ITGA11: variants seen among roughly 807,000 people sequenced by gnomAD.
The protein encoded by ITGA11 is integrin subunit alpha 11, also known as integrin alpha-11.
In ITGA11, 97 loss-of-function variants were observed where a neutral mutation model predicts 141.9. That is an observed-to-expected ratio of 0.68 (90% CI 0.58 to 0.81). ITGA11 has a LOEUF of 0.81. Among genes scored for constraint, ITGA11 ranks in the 30% least tolerant of loss-of-function variants. ITGA11 has a pLI of 0.00. For synonymous variants in ITGA11, 658 were observed against 624.6 expected, an observed-to-expected ratio of 1.05 and a Z score of -0.80; for missense variants, 1,387 against 1,559.2, an observed-to-expected ratio of 0.89 and a Z score of 1.86.
chr15:68,408,531 G>C (rs1434887724), intron 1 of ITGA11, among the ~76,000 whole-genome samples: 1 of 152,060 alleles, frequency 6.6e-6, no homozygotes, highest in Non-Finnish European at 1.5e-5. Context: ...CTATCAGCTT[G>C]GGAGAGTGGC....
Position 68,361,646 on chromosome 15 carries a change from C to T in ITGA11, c.416G>A (p.Cys139Tyr). 2 of 1,610,910 alleles carry T rather than the reference C, an allele frequency of 1.2e-6. No individual in the cohort carries two copies. The highest frequency in any genetic ancestry group is 1.7e-6 in the Non-Finnish European group (2 of 1,178,554). Residue 139 changes from cysteine to tyrosine, a missense_variant, in exon 5 of 30, where the codon TGT becomes TAT. Cys to Tyr is a radical substitution (Grantham distance 194). Coordinates refer to ENST00000315757, the MANE Select transcript of ITGA11 (RefSeq NM_001004439.2). ...CCTGAAGTTGGAGTTGACTCTTGAA[C>T]ACATCCCTGTGGTGTAGTAGGAGCT... ...CGSSYYTTGMCSRVNSNFRFS... is the reference protein window; with the variant it reads ...CGSSYYTTGMYSRVNSNFRFS...
intron 2 of ITGA11, among the ~76,000 whole-genome samples, chr15:68,393,613 A>G (rs1159962642): frequency 6.6e-6 from 1 of 152,192 alleles, no homozygotes; most frequent in African/African-American, 2.4e-5. Flanking sequence ...TCAAAAATTA[A>G]GGTGAGATTA....
intron 2 of ITGA11, 31 bp from the exon 3 acceptor site, chr15:68,369,315 T>G: frequency 7.8e-7 from 1 of 1,288,880 alleles, no homozygotes; most frequent in Non-Finnish European, 1.0e-6. Context: ...AGCAAAGACA[T>G]TGGGGGAGGT....
chr15:68,372,281 C>T (rs924513063), intron 2 of ITGA11, among the ~76,000 whole-genome samples: 3 of 152,194 alleles, frequency 2.0e-5, no homozygotes, highest in East Asian at 1.9e-4. Context: ...AAAATGTTCA[C>T]GTCACCACTG....
chr15:68,329,700 C>T (rs1894093372), intron 15 of ITGA11, among the ~76,000 whole-genome samples: 1 of 152,188 alleles, frequency 6.6e-6, no homozygotes, highest in Admixed American at 6.5e-5. Flanking sequence ...TTGGCTGGAA[C>T]CAACACAGTG....
intron 2 of ITGA11, among the ~76,000 whole-genome samples, chr15:68,386,348 C>T (rs1895984536): frequency 6.6e-6 from 1 of 152,146 alleles, no homozygotes; most frequent in South Asian, 2.1e-4. Context: ...GGTCTCCCTC[C>T]CTACTGCCTC....
chr15:68,404,440 G>A (rs1896592154), intron 1 of ITGA11, among the ~76,000 whole-genome samples: 1 of 152,202 alleles, frequency 6.6e-6, no homozygotes, highest in East Asian at 1.9e-4. Flanking sequence ...CAGGAAGCCT[G>A]TGTTAAGCCA....
At chr15:68,383,845 G>A (rs1016251283) in intron 2 of ITGA11, among the ~76,000 whole-genome samples, 10 of 152,176 alleles carry the variant, frequency 6.6e-5, no homozygotes, top group Non-Finnish European at 1.2e-4. Flanking sequence ...GTTGGCTGCA[G>A]AAATGGAAAG....
rs1036175065 is a variant in ITGA11, at chr15:68,355,550, GATCCTCCCACCTC to G, written c.749+1588_749+1600del. Among the ~76,000 whole-genome samples, 4 of 151,566 alleles carry G rather than the reference GATCCTCCCACCTC, an allele frequency of 2.6e-5. No homozygotes were observed. The East Asian group carries it at 7.7e-4, about 29-fold the overall frequency. The stretch of plus-strand genomic sequence containing the variant: ...CAGCCTCTGCCTCCTGGGCTCAAGT[GATCCTCCCACCTC>G]ATCCTCCTGAATAGTTGGGACTACA... On this transcript the variant is annotated intron_variant, in intron 7 of 29. Coordinates refer to ENST00000315757, the MANE Select transcript of ITGA11 (RefSeq NM_001004439.2).
At chr15:68,320,455 G>GC in intron 19 of ITGA11, 63 bp from the exon 20 acceptor site, 1 of 1,447,038 alleles carries the variant, frequency 6.9e-7, no homozygotes, top group South Asian at 1.2e-5. Flanking sequence ...GTAGAGAGGA[G>GC]CCCCAGGGTT....
At chr15:68,369,351 C>A in intron 2 of ITGA11, 67 bp from the exon 3 acceptor site, 4 of 470,312 alleles carry the variant, frequency 8.5e-6, no homozygotes, top group Non-Finnish European at 1.4e-5. Flanking sequence ...AGGATGGAGC[C>A]TGGTGGGCAG....
intron 1 of ITGA11, among the ~76,000 whole-genome samples, chr15:68,431,161 C>T (rs1373662693): frequency 6.6e-6 from 1 of 152,230 alleles, no homozygotes; most frequent in East Asian, 1.9e-4. Flanking sequence ...ACGGCCGGGG[C>T]CAGGGTACCC....
intron 6 of ITGA11, 125 bp from the exon 7 acceptor site, chr15:68,357,424 G>C (rs953768647): frequency 3.4e-6 from 4 of 1,182,162 alleles, no homozygotes; most frequent in Non-Finnish European, 4.6e-6. Context: ...GAGGGCTGAG[G>C]ACCTTTCCAA....
intron 26 of ITGA11, 76 bp downstream of exon 26, chr15:68,310,918 G>C: frequency 8.8e-7 from 1 of 1,133,542 alleles, no homozygotes; most frequent in Non-Finnish European, 1.3e-6. Flanking sequence ...TGGGTCGGGA[G>C]GGAAATGGCC....
chr15:68,367,790 C>T (rs549113920), intron 3 of ITGA11, among the ~76,000 whole-genome samples: 1 of 152,316 alleles, frequency 6.6e-6, no homozygotes, highest in Non-Finnish European at 1.5e-5. Context: ...TTGCTTTACA[C>T]ACGAGTAAAC....
intron 3 of ITGA11, chr15:68,365,030 C>G: frequency 1.6e-6 from 1 of 628,392 alleles, no homozygotes; most frequent in Non-Finnish European, 2.0e-6. Context: ...TGCCCAAGGT[C>G]ACACAGTGAG....
chr15:68,410,766 C>T lies in ITGA11; in HGVS notation c.53-7737G>A, dbSNP rs540986090. Among the ~76,000 whole-genome samples the T allele has an allele frequency of 6.6e-5, 10 of 152,270 alleles. 1 individual carries two copies. The South Asian group carries it at 1.9e-3, about 28-fold the overall frequency. The stretch of plus-strand genomic sequence containing the variant: ...GGAGGCCCAAGGACCCTAGTCTAGG[C>T]TCCTGTAGTAGGCACTAGTGCGATA... On this transcript the variant is annotated intron_variant, in intron 1 of 29. Coordinates refer to ENST00000315757, the MANE Select transcript of ITGA11 (RefSeq NM_001004439.2).
At chr15:68,428,114 T>C (rs1054165888) in intron 1 of ITGA11, among the ~76,000 whole-genome samples, 4 of 152,184 alleles carry the variant, frequency 2.6e-5, no homozygotes, top group Non-Finnish European at 5.9e-5. Flanking sequence ...TGGAAGCCCA[T>C]GGTGAGACAA....
At position 68,319,971 on chromosome 15, in the gene ITGA11, G is replaced by A. The variant is rs528425538; in HGVS notation, c.2616+214C>T. On this transcript the variant is annotated intron_variant, in intron 20 of 29. Coordinates refer to ENST00000315757, the MANE Select transcript of ITGA11 (RefSeq NM_001004439.2). ...TTATTTAATTACTTTATATATTTTT[G>A]TAGAGATGGGGTCTCACTATGTTGC... Among the ~76,000 whole-genome samples, 24 of 151,598 alleles carry A rather than the reference G, an allele frequency of 1.6e-4. No individual in the cohort carries two copies. The South Asian group carries it at 5.0e-3, about 32-fold the overall frequency.
Sources: allele counts gnomAD v4.1 joint callset (sites outside exome capture counted in the v4.1 genomes callset), GRCh38; gene constraint gnomAD v4.1.1; transcripts MANE v1.5; gene names NCBI Gene and HGNC (gene_info 2026-07-23, HGNC 2026-07-21).